Variants in TRPM3 observed in about 807,000 individuals in gnomAD.
The protein encoded by TRPM3 is transient receptor potential cation channel subfamily M member 3, also known as long transient receptor potential channel 3.
In TRPM3, 77 loss-of-function variants were observed where a neutral mutation model predicts 181.2. That is an observed-to-expected ratio of 0.42 (90% CI 0.35 to 0.51). TRPM3 has a LOEUF of 0.51. Ranked by LOEUF, TRPM3 falls within the 20% of genes least tolerant of loss-of-function variation. The pLI, the probability that TRPM3 is intolerant of heterozygous loss-of-function variation, is 0.01. For missense variants in TRPM3, 1,759 were observed against 2,196.7 expected, an observed-to-expected ratio of 0.80 and a Z score of 3.98; for synonymous variants, 745 against 796.4, an observed-to-expected ratio of 0.94 and a Z score of 1.09.
At chr9:70,807,809 G>A (rs1402068123) in intron 6 of TRPM3, among the ~76,000 whole-genome samples, 1 of 152,124 alleles carries the variant, frequency 6.6e-6, no homozygotes, top group Non-Finnish European at 1.5e-5. Context: ...AGGATGAGGT[G>A]AATGTGGGCC....
intron 1 of TRPM3, among the ~76,000 whole-genome samples, chr9:71,095,556 C>A (rs930005147): frequency 4.0e-5 from 6 of 151,872 alleles, no homozygotes; most frequent in African/African-American, 1.4e-4. Context: ...GTCAGGAGTT[C>A]GAGACCAGCC....
intron 6 of TRPM3, chr9:70,811,338 T>C: frequency 9.2e-7 from 1 of 1,090,870 alleles, no homozygotes; most frequent in Non-Finnish European, 1.4e-6. Context: ...CATAAATTTA[T>C]ATACGTGATG....
chr9:70,650,705 A>AT (rs1327370813), intron 9 of TRPM3, among the ~76,000 whole-genome samples: 1 of 151,602 alleles, frequency 6.6e-6, no homozygotes, highest in African/African-American at 2.4e-5. Context: ...ACTTCATTTC[A>AT]TTTTTGTTCG....
At chr9:71,106,309 A>C (rs2069548340) in intron 1 of TRPM3, among the ~76,000 whole-genome samples, 2 of 152,094 alleles carry the variant, frequency 1.3e-5, no homozygotes, top group Non-Finnish European at 2.9e-5. Context: ...CAGTGTTGGA[A>C]ATGGGGCCGG....
At chr9:71,031,285 G>GC (rs2134667278) in intron 1 of TRPM3, among the ~76,000 whole-genome samples, 1 of 152,264 alleles carries the variant, frequency 6.6e-6, no homozygotes, top group South Asian at 2.1e-4. Context: ...CATGGTCTCT[G>GC]CCCTTGCAGT....
chr9:71,025,365 A>G (rs374229185), intron 1 of TRPM3, among the ~76,000 whole-genome samples: 3 of 152,318 alleles, frequency 2.0e-5, no homozygotes, highest in Admixed American at 6.5e-5. Flanking sequence ...TGAAGTCTAT[A>G]TAACAACAGC....
At chr9:71,109,330 A>T (rs1380619880) in intron 1 of TRPM3, among the ~76,000 whole-genome samples, 1 of 151,800 alleles carries the variant, frequency 6.6e-6, no homozygotes, top group Non-Finnish European at 1.5e-5. Context: ...TGACTAATAC[A>T]ATCTACAATA....
At chr9:70,787,706 C>A (rs914948371) in intron 6 of TRPM3, among the ~76,000 whole-genome samples, 4 of 140,300 alleles carry the variant, frequency 2.9e-5, no homozygotes, top group Non-Finnish European at 3.1e-5. Context: ...GAAAAGTAAA[C>A]ATACATGTGG....
chr9:71,312,498 C>T (rs2088056346), intron 1 of TRPM3, among the ~76,000 whole-genome samples: 1 of 152,204 alleles, frequency 6.6e-6, no homozygotes, highest in Non-Finnish European at 1.5e-5. Context: ...TGGCAGTTTC[C>T]TATAAAACTG....
At chr9:71,029,294 T>G (rs1477494401) in intron 1 of TRPM3, among the ~76,000 whole-genome samples, 1 of 152,066 alleles carries the variant, frequency 6.6e-6, no homozygotes, top group Non-Finnish European at 1.5e-5. Flanking sequence ...GATAAAGAAC[T>G]CTTAACCTGT....
intron 1 of TRPM3, among the ~76,000 whole-genome samples, chr9:71,346,386 G>GAGTTT (rs1330910425): frequency 6.6e-6 from 1 of 152,090 alleles, no homozygotes; most frequent in Non-Finnish European, 1.5e-5. Flanking sequence ...TGGGTTTTAG[G>GAGTTT]AGTTTGCTGC....
intron 1 of TRPM3, among the ~76,000 whole-genome samples, chr9:71,085,539 G>A (rs1289907577): frequency 1.3e-5 from 2 of 151,874 alleles, no homozygotes; most frequent in East Asian, 3.9e-4. Context: ...GACATGAACA[G>A]ATACTTCTCA....
chr9:71,109,811 T>C (rs1464749854), intron 1 of TRPM3, among the ~76,000 whole-genome samples: 3 of 152,172 alleles, frequency 2.0e-5, no homozygotes, highest in African/African-American at 7.2e-5. Context: ...CTTAACCTAT[T>C]TGGGCCAGAA....
intron 22 of TRPM3, among the ~76,000 whole-genome samples, chr9:70,564,556 G>T (rs186246401): frequency 6.6e-5 from 10 of 152,238 alleles, no homozygotes; most frequent in Admixed American, 6.5e-4. Flanking sequence ...GCATATTTAG[G>T]GTATTAGAGT....
chr9:70,867,539 A>G (rs1023263729), intron 1 of TRPM3, among the ~76,000 whole-genome samples: 2 of 152,094 alleles, frequency 1.3e-5, no homozygotes, highest in East Asian at 3.9e-4. Flanking sequence ...AATCGTTTCT[A>G]TATCTTATTA....
intron 20 of TRPM3, among the ~76,000 whole-genome samples, chr9:70,599,565 G>T (rs188751095): frequency 1.3e-5 from 2 of 152,192 alleles, no homozygotes; most frequent in East Asian, 3.9e-4. Context: ...AGCCATACTG[G>T]TCATCTCTTA....
At chr9:70,946,880 T>C (rs909393934) in intron 1 of TRPM3, among the ~76,000 whole-genome samples, 12 of 152,184 alleles carry the variant, frequency 7.9e-5, no homozygotes, top group African/African-American at 2.7e-4. Context: ...ATTATATATA[T>C]GAAATTCATT....
intron 1 of TRPM3, among the ~76,000 whole-genome samples, chr9:71,385,980 T>G (rs2092913945): frequency 6.6e-6 from 1 of 151,800 alleles, no homozygotes; most frequent in Admixed American, 6.6e-5. Flanking sequence ...GTGCTGGGAT[T>G]ACAGGCGTGA....
At position 71,401,197 on chromosome 9, in the gene TRPM3, C is replaced by CAAAAAA. The variant is rs59425467; in HGVS notation, c.183+45450_183+45455dup. Among the ~76,000 whole-genome samples, 550 of 105,672 alleles carry CAAAAAA rather than the reference C, an allele frequency of 5.2e-3. 10 individuals are homozygous for CAAAAAA. The highest frequency in any genetic ancestry group is 0.018 in the African/African-American group (464 of 25,198). The allele number at this position is 105,672 out of a possible 152,430, so 69.3% of individuals were successfully genotyped here. On this transcript the variant is annotated intron_variant, in intron 1 of 24. Coordinates refer to the TRPM3 transcript ENST00000357533. Reference sequence around the variant, plus strand: ...TAAGGGTCAAAGTGAGACACCATCGCAAAAAAAAAAAAAAAAAAAGAATCT... The same window carrying CAAAAAA: ...TAAGGGTCAAAGTGAGACACCATCGCAAAAAAAAAAAAAAAAAAAAAAAAAGAATCT...
Sources: allele counts gnomAD v4.1 joint callset (sites outside exome capture counted in the v4.1 genomes callset), GRCh38; gene constraint gnomAD v4.1.1; transcripts MANE v1.5; gene names NCBI Gene and HGNC (gene_info 2026-07-23, HGNC 2026-07-21).